The following PNMA6E variants were observed in gnomAD, a reference collection of about 807,000 sequenced individuals.
PNMA6E encodes paraneoplastic antigen Ma6E.
For synonymous variants in PNMA6E, 43 were observed against 17.1 expected (o/e 2.52, Z -3.74); for missense variants, 78 against 50.8 (o/e 1.53, Z -1.63).
rs1238595394 is a variant in PNMA6E at position 153,397,966 on chromosome X, G to A, written c.884C>T (p.Thr295Ile). The A allele has an allele frequency of 4.7e-6, 2 of 421,861 alleles. No homozygotes were observed. Among genetic ancestry groups the A allele is most frequent in the African/African-American group, 5.0e-5 (2 of 39,818 alleles). 34.8% of individuals were successfully genotyped at this position (421,861 alleles called of 1,213,427 possible). Residue 295 changes from threonine to isoleucine, a missense_variant, in exon 2 of 2, where the codon ACA becomes ATA. Physicochemically the swap from Thr to Ile is moderately conservative, Grantham distance 89 (BLOSUM62 -1). Transcript: ENST00000445091. ...EAGAVGEAGG[T>I]NVTKAWVQPW... ...CTGGACCCAGGCTTTTGTTACATTTGTCCCTCCTGCTTCACCCACAGCTCC... is the reference window on the plus strand; with the variant it reads ...CTGGACCCAGGCTTTTGTTACATTTATCCCTCCTGCTTCACCCACAGCTCC...
chrX:153,411,409 C>T, the PNMA6E span, among the ~76,000 whole-genome samples: 1 of 107,245 alleles, frequency 9.3e-6, no homozygotes, highest in African/African-American at 3.3e-5. Flanking sequence ...CCCTCTGCGC[C>T]GCGCATGCTC....
the PNMA6E span, among the ~76,000 whole-genome samples, chrX:153,409,186 G>C: frequency 1.8e-5 from 2 of 113,338 alleles, no homozygotes; most frequent in African/African-American, 6.4e-5. Flanking sequence ...AGGGGAGAAC[G>C]GGAGACCAGA....
At chrX:153,410,387 C>T in the PNMA6E span, among the ~76,000 whole-genome samples, 1 of 112,117 alleles carries the variant, frequency 8.9e-6, no homozygotes, top group Non-Finnish European at 1.9e-5. Context: ...AACATCTCAA[C>T]AGCCCAGATC....
Position 153,396,861 on chromosome X carries a change from G to A in PNMA6E, c.*45C>T. The A allele has an allele frequency of 3.4e-6, 1 of 297,982 alleles. No individual in the cohort carries two copies. The allele number at this position is 297,982 out of a possible 1,213,427, so 24.6% of individuals were successfully genotyped here. On this transcript the variant is annotated 3_prime_UTR_variant, in exon 2 of 2. Transcript: ENST00000445091. The stretch of plus-strand genomic sequence containing the variant: ...TGGCCTGGCCTCTGTCTGCCTCCAA[G>A]GCGCTGCTGCCTGAGAGGAGAGGAG...
the PNMA6E span, among the ~76,000 whole-genome samples, chrX:153,406,411 G>C: frequency 8.9e-6 from 1 of 112,653 alleles, no homozygotes; most frequent in Non-Finnish European, 1.9e-5. Context: ...AGCTACAAGG[G>C]AAGCTGGGAA....
chrX:153,400,829 C>T (rs782646015), intron 1 of PNMA6E, among the ~76,000 whole-genome samples: 61 of 83,972 alleles, frequency 7.3e-4, no homozygotes, highest in African/African-American at 2.7e-3. Context: ...CCCCAGGGAG[C>T]CCCCTCCCGA....
rs2088824780 is a variant in PNMA6E, at chrX:153,398,218, G to A, written c.632C>T (p.Ala211Val). Reference sequence around the variant, plus strand: ...CTCACCTGCGCCTCCTGCCTCACCTGCTGCTCCTGCCTCACCTACACCTCC... The same window carrying A: ...CTCACCTGCGCCTCCTGCCTCACCTACTGCTCCTGCCTCACCTACACCTCC... The part of the protein sequence containing the change: ...EAGGVGEAGA[A>V]GEAGGAGEAG... Residue 211 changes from alanine (A) to valine (V), a missense_variant, in exon 2 of 2, where the codon GCA becomes GTA. Physicochemically the swap from Ala to Val is moderately conservative, Grantham distance 64. Transcript: ENST00000445091. 2.5e-6 allele frequency: 1 copy of A among 405,246 alleles called. No individual in the cohort carries two copies. Among genetic ancestry groups the A allele is most frequent in the African/African-American group, 2.9e-5 (1 of 34,117 alleles). The allele number at this position is 405,246 out of a possible 1,213,427, so 33.4% of individuals were successfully genotyped here. A position where few individuals can be genotyped will look rare whatever the true frequency, so the allele number is the denominator to read the frequency against.
At chrX:153,410,505 G>A in the PNMA6E span, among the ~76,000 whole-genome samples, 6 of 111,494 alleles carry the variant, frequency 5.4e-5, no homozygotes, top group East Asian at 1.2e-3. Context: ...AAGGGGCTCC[G>A]AAGCTCTCCC....
chrX:153,409,766 G>A, the PNMA6E span, among the ~76,000 whole-genome samples: 5 of 111,860 alleles, frequency 4.5e-5, no homozygotes, highest in Non-Finnish European at 9.4e-5. Context: ...GCACTCCCAG[G>A]GGCCCCCTTC....
At position 153,397,821 on chromosome X, in the gene PNMA6E, A is replaced by T. The variant is rs2088819947; in HGVS notation, c.1029T>A (p.His343Gln). The T allele has an allele frequency of 1.2e-5, 4 of 321,053 alleles. No homozygotes were observed. In the Admixed American group the frequency reaches 2.2e-4, roughly 17 times the overall value. The allele number at this position is 321,053 out of a possible 1,213,427, so 26.5% of individuals were successfully genotyped here. A position where few individuals can be genotyped will look rare whatever the true frequency, so the allele number is the denominator to read the frequency against. The part of the protein sequence containing the change: ...EEESFESWVE[H>Q]AKDMLQLWCH... ...ACCACAGCTGCAGCATATCCTTGGC[A>T]TGCTCCACCCAGCTCTCAAAGGACT... Residue 343 changes from histidine to glutamine, a missense_variant, in exon 2 of 2, where the codon CAT (histidine) becomes CAA (glutamine). Physicochemically the swap from His to Gln is conservative, Grantham distance 24. Transcript: ENST00000445091.
the PNMA6E span, among the ~76,000 whole-genome samples, chrX:153,407,424 C>T: frequency 9.0e-6 from 1 of 110,755 alleles, no homozygotes; most frequent in Non-Finnish European, 1.9e-5. Context: ...GGCTGGAGTG[C>T]AGTGGGGCCA....
chrX:153,407,301 A>C, the PNMA6E span, among the ~76,000 whole-genome samples: 4 of 111,728 alleles, frequency 3.6e-5, no homozygotes, highest in Non-Finnish European at 5.6e-5. Context: ...TATCACCTGA[A>C]GGAATGTCTG....
the PNMA6E span, among the ~76,000 whole-genome samples, chrX:153,412,376 C>G: frequency 1.8e-5 from 2 of 112,647 alleles, no homozygotes; most frequent in East Asian, 5.6e-4. Flanking sequence ...ACCTCCTGAG[C>G]AAGCATTTGA....
the PNMA6E span, among the ~76,000 whole-genome samples, chrX:153,413,936 G>A: frequency 2.7e-5 from 3 of 112,391 alleles, no homozygotes; most frequent in East Asian, 8.4e-4. Flanking sequence ...TTGAGTGCGG[G>A]TCTCCGTCTC....
the PNMA6E span, among the ~76,000 whole-genome samples, chrX:153,408,542 G>A: frequency 7.1e-5 from 8 of 112,406 alleles, no homozygotes; most frequent in Non-Finnish European, 1.5e-4. Flanking sequence ...AGCAACCTGC[G>A]TGACCTGAGG....
chrX:153,412,523 G>A, the PNMA6E span, among the ~76,000 whole-genome samples: 2 of 112,556 alleles, frequency 1.8e-5, no homozygotes, highest in South Asian at 3.7e-4. Context: ...CCGGGGAAGG[G>A]AGGTCTGGTT....
chrX:153,408,966 G>A, the PNMA6E span, among the ~76,000 whole-genome samples: 523 of 112,574 alleles, frequency 4.6e-3, 3 homozygotes, highest in African/African-American at 0.017. Flanking sequence ...ACTTCCCACA[G>A]ACAGCTTGAC....
the PNMA6E span, among the ~76,000 whole-genome samples, chrX:153,411,826 G>A: frequency 8.9e-6 from 1 of 112,478 alleles, no homozygotes; most frequent in Non-Finnish European, 1.9e-5. Context: ...GGACTCCCTG[G>A]GAGGCGGGCT....
At chrX:153,413,941 C>T in the PNMA6E span, among the ~76,000 whole-genome samples, 2 of 112,374 alleles carry the variant, frequency 1.8e-5, no homozygotes, top group South Asian at 3.7e-4. Context: ...TGCGGGTCTC[C>T]GTCTCTGGGC....
Sources: gnomAD v4.1 joint callset for allele counts (sites outside exome capture counted in the v4.1 genomes callset) on GRCh38, gnomAD v4.1.1 for gene constraint, MANE v1.5 for transcripts, NCBI Gene and HGNC (gene_info 2026-07-23, HGNC 2026-07-21) for gene names.